Variants in FAM222B observed in about 807,000 individuals in gnomAD.
FAM222B encodes family with sequence similarity 222 member B.
In FAM222B, 12 loss-of-function variants were observed where a neutral mutation model predicts 38.0. The ratio of observed to expected loss-of-function variants is 0.32; its 90% CI spans 0.20 to 0.51. The LOEUF is 0.51. Ranked by LOEUF, FAM222B falls within the 20% of genes least tolerant of loss-of-function variation. The pLI is 0.97. For synonymous variants in FAM222B, 329 were observed against 317.2 expected (o/e 1.04, Z -0.40); for missense variants, 716 against 754.2 (o/e 0.95, Z 0.59).
intron 1 of FAM222B, among the ~76,000 whole-genome samples, chr17:28,819,000 C>A (rs532229529): frequency 6.6e-6 from 1 of 152,304 alleles, no homozygotes; most frequent in East Asian, 1.9e-4. Context: ...CCCCACAATC[C>A]TATAATCTGT....
rs535500630 is a variant in FAM222B, at chr17:28,777,262, C to T, written c.-40-10555G>A. The T allele has an allele frequency of 2.6e-5, 4 of 152,298 alleles. No individual in the cohort carries two copies. The East Asian group carries it at 7.7e-4, about 29-fold the overall frequency. 9.4% of individuals were successfully genotyped at this position (152,298 alleles called of 1,614,324 possible). On this transcript the variant is annotated intron_variant, in intron 1 of 2. Coordinates refer to ENST00000581407, the MANE Select transcript of FAM222B (RefSeq NM_001077498.3). ...TTCATGCTGCTGAACACATGTGGCTCAAGGCATTTGGAAACCTGCTTCTAA... is the reference window on the plus strand; with the variant it reads ...TTCATGCTGCTGAACACATGTGGCTTAAGGCATTTGGAAACCTGCTTCTAA...
At chr17:28,840,892 C>A (rs2039014426) in intron 1 of FAM222B, among the ~76,000 whole-genome samples, 1 of 151,782 alleles carries the variant, frequency 6.6e-6, no homozygotes, top group South Asian at 2.1e-4. Flanking sequence ...ACCCAGGAGG[C>A]GGAGGTTGCA....
chr17:28,811,007 C>T (rs968117199), intron 1 of FAM222B, among the ~76,000 whole-genome samples: 2 of 152,088 alleles, frequency 1.3e-5, no homozygotes, highest in Admixed American at 1.3e-4. Context: ...GAAACTGAAC[C>T]TGTATTACAT....
chr17:28,788,134 C>T (rs1007665833), intron 1 of FAM222B, among the ~76,000 whole-genome samples: 2 of 151,166 alleles, frequency 1.3e-5, no homozygotes, highest in Admixed American at 1.3e-4. Flanking sequence ...TAAAGCAGTC[C>T]TTTAAACCTC....
intron 1 of FAM222B, among the ~76,000 whole-genome samples, chr17:28,814,018 T>C (rs2037918470): frequency 6.6e-6 from 1 of 151,904 alleles, no homozygotes; most frequent in African/African-American, 2.4e-5. Flanking sequence ...GAGACCAGCC[T>C]GGTCAACATG....
chr17:28,800,419 G>A (rs923125136), intron 1 of FAM222B, among the ~76,000 whole-genome samples: 6 of 152,094 alleles, frequency 3.9e-5, no homozygotes, highest in Middle Eastern at 3.2e-3. Flanking sequence ...AACAATTTTA[G>A]AGAGCTATTA....
chr17:28,830,456 G>A (rs1424321536), intron 1 of FAM222B, among the ~76,000 whole-genome samples: 4 of 151,752 alleles, frequency 2.6e-5, no homozygotes, highest in Admixed American at 6.6e-5. Context: ...CACCACACCC[G>A]GCCTATACAT....
intron 1 of FAM222B, among the ~76,000 whole-genome samples, chr17:28,774,819 G>A (rs989454977): frequency 1.3e-5 from 2 of 151,804 alleles, no homozygotes; most frequent in Non-Finnish European, 2.9e-5. Flanking sequence ...GCACACACCT[G>A]TAATCCCAGC....
chr17:28,780,831 G>A (rs1162015588), intron 1 of FAM222B, among the ~76,000 whole-genome samples: 10 of 151,526 alleles, frequency 6.6e-5, no homozygotes, highest in African/African-American at 1.7e-4. Context: ...GCAGTGAGCC[G>A]AGATCGCACC....
At chr17:28,850,564 C>T (rs2039174080) in intron 1 of FAM222B, among the ~76,000 whole-genome samples, 1 of 152,152 alleles carries the variant, frequency 6.6e-6, no homozygotes, top group Non-Finnish European at 1.5e-5. Context: ...TCCCGAAGTG[C>T]TGGGATTAGA....
In FAM222B at chr17:28,772,247, C is replaced by CT. The variant is rs778684018; in HGVS notation, c.-40-5541dup. On this transcript the variant is annotated intron_variant, in intron 1 of 2. Transcript: ENST00000581407. ...TTTTTTGGAAAGAACCAATCTTTGT[C>CT]TTTTTTTCTCCTTCTTCAGGGAACT... 1.1e-4 allele frequency among the ~76,000 whole-genome samples: 17 copies of CT among 152,132 alleles called. No individual in the cohort carries two copies. In the East Asian group the frequency reaches 1.4e-3, roughly 12 times the overall value.
At chr17:28,771,087 GAAAGAT>G (rs2151802043) in intron 1 of FAM222B, among the ~76,000 whole-genome samples, 1 of 151,522 alleles carries the variant, frequency 6.6e-6, no homozygotes, top group Non-Finnish European at 1.5e-5. Flanking sequence ...CCTTCTAAGG[GAAAGAT>G]AGGTAAATGA....
At chr17:28,775,654 G>A (rs920475499) in intron 1 of FAM222B, among the ~76,000 whole-genome samples, 6 of 151,952 alleles carry the variant, frequency 3.9e-5, no homozygotes, top group Non-Finnish European at 8.8e-5. Flanking sequence ...GCTGAGGTGC[G>A]TGGATCACTT....
Position 28,758,109 on chromosome 17 carries a change from AC to A in FAM222B, c.*160del, listed in dbSNP as rs2034796906. The A allele has an allele frequency of 1.6e-6, 1 of 623,036 alleles. No individual in the cohort carries two copies. The highest frequency in any genetic ancestry group is 3.6e-5 in the Admixed American group (1 of 27,916). 38.6% of individuals were successfully genotyped at this position (623,036 alleles called of 1,614,324 possible). A position where few individuals can be genotyped will look rare whatever the true frequency, so the allele number is the denominator to read the frequency against. On this transcript the variant is annotated 3_prime_UTR_variant, in exon 3 of 3. Transcript: ENST00000581407. ...AGTTGCTGGAGGGGAGGACGAGAGGACCCCTTCTGTCCCCACTTAGATCCCA... is the reference window on the plus strand; with the variant it reads ...AGTTGCTGGAGGGGAGGACGAGAGGACCCTTCTGTCCCCACTTAGATCCCA...
chr17:28,845,104 TTAAAAAAA>T (rs2039136045), upstream of FAM222B, among the ~76,000 whole-genome samples: 1 of 125,592 alleles, frequency 8.0e-6, no homozygotes, highest in Non-Finnish European at 1.7e-5. Flanking sequence ...TCCATCTCAA[TTAAAAAAA>T]TAAATAGGGC....
chr17:28,810,417 T>C (rs902748398), intron 1 of FAM222B, among the ~76,000 whole-genome samples: 9 of 151,976 alleles, frequency 5.9e-5, no homozygotes, highest in Non-Finnish European at 8.8e-5. Flanking sequence ...CTAGCTAACT[T>C]TGTTTTACAT....
intron 1 of FAM222B, among the ~76,000 whole-genome samples, chr17:28,854,693 C>T (rs978898065): frequency 6.6e-6 from 1 of 152,178 alleles, no homozygotes; most frequent in Admixed American, 6.5e-5. Flanking sequence ...ACCATTCCTC[C>T]CTCGATGGGA....
intron 1 of FAM222B, among the ~76,000 whole-genome samples, chr17:28,770,240 G>A (rs1044825480): frequency 3.9e-5 from 6 of 152,096 alleles, no homozygotes; most frequent in African/African-American, 9.7e-5. Context: ...TAACACTTAC[G>A]AGGCTCTCCA....
At chr17:28,783,393 G>T (rs1340018386) in intron 1 of FAM222B, among the ~76,000 whole-genome samples, 1 of 152,174 alleles carries the variant, frequency 6.6e-6, no homozygotes, top group East Asian at 1.9e-4. Context: ...CACAGAAGTG[G>T]GTAAGAGAAC....
Sources: allele counts gnomAD v4.1 joint callset (sites outside exome capture counted in the v4.1 genomes callset), GRCh38; gene constraint gnomAD v4.1.1; transcripts MANE v1.5; gene names NCBI Gene and HGNC (gene_info 2026-07-23, HGNC 2026-07-21).